The following CCDC178 variants were observed in gnomAD, a reference collection of about 807,000 sequenced individuals.
The protein encoded by CCDC178 is coiled-coil domain containing 178.
A neutral mutation model predicts 117.4 loss-of-function variants in CCDC178; 126 were observed. That is an observed-to-expected ratio of 1.07 (90% CI 0.93 to 1.24). The LOEUF (loss-of-function observed/expected upper bound fraction) is 1.24, where lower values mean the gene tolerates loss of function less well. CCDC178 is among the 50% of genes most tolerant of loss of function. The pLI is 0.00. For missense variants in CCDC178, 1,030 were observed against 986.9 expected (o/e 1.04, Z -0.59); for synonymous variants, 283 against 313.4 (o/e 0.90, Z 1.02).
chr18:33,275,403 G>T (rs1008894311), intron 12 of CCDC178, among the ~76,000 whole-genome samples: 3 of 151,274 alleles, frequency 2.0e-5, no homozygotes, highest in African/African-American at 7.3e-5. Context: ...CAAATATAAA[G>T]TTATTCATTT....
intron 7 of CCDC178, among the ~76,000 whole-genome samples, chr18:33,354,411 A>G (rs1408339784): frequency 6.6e-6 from 1 of 151,852 alleles, no homozygotes; most frequent in Non-Finnish European, 1.5e-5. Flanking sequence ...TTTGACTGCT[A>G]TTATGCTTGA....
At chr18:33,026,778 A>G (rs1228604235) in intron 21 of CCDC178, among the ~76,000 whole-genome samples, 1 of 151,948 alleles carries the variant, frequency 6.6e-6, no homozygotes, top group East Asian at 1.9e-4. Context: ...AAAACATAAG[A>G]CAAATGAAGA....
intron 3 of CCDC178, among the ~76,000 whole-genome samples, chr18:33,397,658 G>A (rs1446019264): frequency 6.6e-6 from 1 of 151,922 alleles, no homozygotes; most frequent in African/African-American, 2.4e-5. Context: ...AAAGATAAAC[G>A]CAATTATTTA....
chr18:32,987,431 A>G (rs1437941478), intron 21 of CCDC178, among the ~76,000 whole-genome samples: 16 of 152,098 alleles, frequency 1.1e-4, no homozygotes, highest in Non-Finnish European at 2.2e-4. Context: ...GTCTATAGAT[A>G]TCAACACATC....
chr18:33,417,319 A>G (rs967141802), intron 2 of CCDC178, among the ~76,000 whole-genome samples: 1 of 152,208 alleles, frequency 6.6e-6, no homozygotes, highest in Non-Finnish European at 1.5e-5. Flanking sequence ...AATTATGCTG[A>G]GTGAAAAAAC....
intron 11 of CCDC178, among the ~76,000 whole-genome samples, chr18:33,296,365 C>T (rs977471440): frequency 4.6e-5 from 7 of 151,662 alleles, no homozygotes; most frequent in East Asian, 1.9e-4. Context: ...TGAATCTATA[C>T]GAGATAAAAT....
intron 15 of CCDC178, among the ~76,000 whole-genome samples, chr18:33,241,590 A>C (rs1319180621): frequency 1.3e-5 from 2 of 151,676 alleles, no homozygotes; most frequent in Non-Finnish European, 3.0e-5. Flanking sequence ...GCTGAAAAAA[A>C]TAAGATGGCC....
chr18:33,255,989 A>T (rs1417237172), intron 14 of CCDC178, among the ~76,000 whole-genome samples: 1 of 151,592 alleles, frequency 6.6e-6, no homozygotes, highest in Non-Finnish European at 1.5e-5. Context: ...AAAAAAAAAA[A>T]AACGCCTACC....
At chr18:33,350,573 G>C (rs954135947) in intron 7 of CCDC178, among the ~76,000 whole-genome samples, 1 of 152,108 alleles carries the variant, frequency 6.6e-6, no homozygotes, top group Non-Finnish European at 1.5e-5. Context: ...ATAGTTTCAA[G>C]ATTTCTCCAT....
chr18:33,120,669 A>C (rs1436576065), intron 20 of CCDC178, among the ~76,000 whole-genome samples: 3 of 152,194 alleles, frequency 2.0e-5, no homozygotes. Flanking sequence ...ATTTCCAATC[A>C]TGTGATCAGC....
At chr18:33,279,244 A>C (rs1390386669) in intron 12 of CCDC178, among the ~76,000 whole-genome samples, 2 of 152,224 alleles carry the variant, frequency 1.3e-5, no homozygotes, top group Non-Finnish European at 2.9e-5. Context: ...GCTGATAAGC[A>C]ACTTAAGCAA....
chr18:33,180,122 T>C (rs1420033926), intron 20 of CCDC178, among the ~76,000 whole-genome samples: 1 of 151,946 alleles, frequency 6.6e-6, no homozygotes, highest in Non-Finnish European at 1.5e-5. Flanking sequence ...TATTTAACCC[T>C]AAAACATCAC....
At chr18:33,119,410 T>C (rs2057904813) in intron 20 of CCDC178, among the ~76,000 whole-genome samples, 1 of 152,208 alleles carries the variant, frequency 6.6e-6, no homozygotes, top group South Asian at 2.1e-4. Flanking sequence ...AAGACATTTA[T>C]GCAGCCAACA....
intron 20 of CCDC178, among the ~76,000 whole-genome samples, chr18:33,151,905 A>C (rs1014469914): frequency 6.6e-6 from 1 of 152,206 alleles, no homozygotes; most frequent in Non-Finnish European, 1.5e-5. Flanking sequence ...ATGGTGAAAA[A>C]TACATATTCC....
chr18:33,167,866 C>CTAAATAAATAAATAAATAAA (rs34929402), intron 20 of CCDC178, among the ~76,000 whole-genome samples: 8 of 148,728 alleles, frequency 5.4e-5, no homozygotes, highest in East Asian at 4.1e-4. Context: ...GACTCTGTCT[C>CTAAATAAATAAATAAATAAA]TAAATAAATA....
At chr18:33,117,559 G>A (rs533422126) in intron 20 of CCDC178, among the ~76,000 whole-genome samples, 7 of 151,928 alleles carry the variant, frequency 4.6e-5, no homozygotes, top group African/African-American at 7.3e-5. Flanking sequence ...ATCACACACC[G>A]GGGCCTGTCG....
intron 20 of CCDC178, among the ~76,000 whole-genome samples, chr18:33,161,512 A>C (rs140973598): frequency 6.6e-6 from 1 of 152,118 alleles, no homozygotes. Flanking sequence ...TATTTTATAG[A>C]TATATATTGG....
At chr18:33,056,950 CT>C (rs5823883) in intron 21 of CCDC178, among the ~76,000 whole-genome samples, 84 of 142,084 alleles carry the variant, frequency 5.9e-4, no homozygotes, top group Non-Finnish European at 5.9e-4. Flanking sequence ...TAAGTTTTTC[CT>C]TTTTTTTTTT....
chr18:33,201,977 A>C (rs2058994244), intron 20 of CCDC178, among the ~76,000 whole-genome samples: 1 of 152,050 alleles, frequency 6.6e-6, no homozygotes, highest in South Asian at 2.1e-4. Context: ...CAAGGTTTTT[A>C]TGTGTTCCCC....
Sources: gnomAD v4.1 joint callset for allele counts (sites outside exome capture counted in the v4.1 genomes callset) on GRCh38, gnomAD v4.1.1 for gene constraint, MANE v1.5 for transcripts, NCBI Gene and HGNC (gene_info 2026-07-23, HGNC 2026-07-21) for gene names.